DNAH6: variants seen among roughly 807,000 people sequenced by gnomAD.
The protein encoded by DNAH6 is dynein axonemal heavy chain 6.
In DNAH6, 340 loss-of-function variants were observed where a neutral mutation model predicts 491.4. The ratio of observed to expected loss-of-function variants is 0.69; its 90% CI spans 0.63 to 0.76. DNAH6 has a LOEUF of 0.76. Among genes scored for constraint, DNAH6 ranks in the 30% least tolerant of loss-of-function variants. The pLI is 0.00. For synonymous variants in DNAH6, 1,603 were observed against 1,686.1 expected, an observed-to-expected ratio of 0.95 and a Z score of 1.21; for missense variants, 4,443 against 4,972.2, an observed-to-expected ratio of 0.89 and a Z score of 3.20.
the DNAH6 span, among the ~76,000 whole-genome samples, chr2:84,481,803 A>G: frequency 6.6e-6 from 1 of 152,228 alleles, no homozygotes; most frequent in Non-Finnish European, 1.5e-5. Flanking sequence ...ATTAGGCCGT[A>G]GAAGCCTGCA....
chr2:84,511,277 C>T, the DNAH6 span, among the ~76,000 whole-genome samples: 2 of 152,150 alleles, frequency 1.3e-5, no homozygotes, highest in African/African-American at 2.4e-5. Context: ...CAATGGCGGG[C>T]GCCCCTCCCC....
At chr2:84,754,055 C>T (rs529792808) in intron 63 of DNAH6, among the ~76,000 whole-genome samples, 10 of 152,210 alleles carry the variant, frequency 6.6e-5, no homozygotes, top group Non-Finnish European at 1.5e-4. Flanking sequence ...ATCTCTTGAC[C>T]TCAGGATCCA....
intron 76 of DNAH6, among the ~76,000 whole-genome samples, chr2:84,818,915 A>T (rs1680763300): frequency 6.6e-6 from 1 of 152,192 alleles, no homozygotes; most frequent in African/African-American, 2.4e-5. Flanking sequence ...TCTACTAAAA[A>T]TACAAAAATT....
chr2:84,581,060 A>G (rs535743358), intron 14 of DNAH6, among the ~76,000 whole-genome samples: 1 of 152,358 alleles, frequency 6.6e-6, no homozygotes, highest in East Asian at 1.9e-4. Flanking sequence ...CTAGCCAGTC[A>G]GCAAGAAAGA....
At position 84,529,966 on chromosome 2, in the gene DNAH6, T is replaced by C. The variant is rs1167666463; in HGVS notation, c.662+800T>C. On this transcript the variant is annotated intron_variant, in intron 4 of 76. Transcript: ENST00000389394. ...GAAGAAAAGCTTTTTAATCAAAATT[T>C]AAAATGACAGATGTGTTGTAAATCT... 3.3e-5 allele frequency among the ~76,000 whole-genome samples: 5 copies of C among 152,300 alleles called. No homozygotes were observed. In the East Asian group the frequency reaches 9.7e-4, roughly 29 times the overall value.
rs1239610747 is a variant in DNAH6 at position 84,762,856 on chromosome 2, C to T, written c.10614C>T (p.Cys3538=). 6.4e-7 allele frequency: 1 copy of T among 1,551,102 alleles called. No individual in the cohort carries two copies. The highest frequency in any genetic ancestry group is 2.4e-5 in the East Asian group (1 of 40,924). The part of the protein sequence containing the change: ...DLPTLYQDMS[C]NTPLVFILST... The stretch of plus-strand genomic sequence containing the variant: ...CTACCCTGTATCAAGACATGTCATG[C>T]AACACTCCCCTGGTATTCATCCTAA... Residue 3538 remains cysteine (C), a synonymous_variant, in exon 64 of 77, where the codon TGC becomes TGT. Transcript: ENST00000389394.
At chr2:84,689,887 T>C (rs1294410001) in intron 45 of DNAH6, among the ~76,000 whole-genome samples, 1 of 152,222 alleles carries the variant, frequency 6.6e-6, no homozygotes, top group Non-Finnish European at 1.5e-5. Flanking sequence ...CAAAATGGGC[T>C]CACTTTTTTC....
rs146806296 is a variant in DNAH6, at chr2:84,816,001, A to G, written c.12291A>G (p.Gln4097=). ...PVLPVVHFEP[Q]QNYKPSPTLY... is the part of the protein sequence containing the mutation. ...TGCCTGTGGTGCATTTTGAACCACAACAAAACTATAAGCCAAGCCCAACAC... is the reference window on the plus strand; with the variant it reads ...TGCCTGTGGTGCATTTTGAACCACAGCAAAACTATAAGCCAAGCCCAACAC... The change falls in exon 76 of 77, where the codon CAA becomes CAG. Residue 4097 remains glutamine, a synonymous_variant. Transcript: ENST00000389394. 1,149 of 1,551,906 alleles carry G rather than the reference A, an allele frequency of 7.4e-4. 8 individuals are homozygous for G. The African/African-American group carries it at 0.014, about 18-fold the overall frequency.
chr2:84,801,979 C>G (rs937101791), intron 70 of DNAH6, among the ~76,000 whole-genome samples: 4 of 151,452 alleles, frequency 2.6e-5, no homozygotes, highest in African/African-American at 9.7e-5. Context: ...AAACAAAAAA[C>G]AAATAAAATC....
intron 23 of DNAH6, among the ~76,000 whole-genome samples, chr2:84,617,287 A>G (rs529010872): frequency 2.0e-5 from 3 of 152,264 alleles, no homozygotes; most frequent in African/African-American, 7.2e-5. Flanking sequence ...CGTGTAATGC[A>G]TAATAATCAC....
At chr2:84,642,354 G>T (rs916332584) in intron 33 of DNAH6, among the ~76,000 whole-genome samples, 10 of 152,068 alleles carry the variant, frequency 6.6e-5, no homozygotes, top group African/African-American at 1.7e-4. Flanking sequence ...AGTCAGACTT[G>T]GGGTTTAACA....
At chr2:84,781,148 G>A (rs1046111339) in intron 64 of DNAH6, among the ~76,000 whole-genome samples, 26 of 152,186 alleles carry the variant, frequency 1.7e-4, no homozygotes, top group African/African-American at 5.8e-4. Context: ...TTAGAAGTTA[G>A]GATAATGATT....
At chr2:84,682,368 C>CTACCTCAAAA (rs371421396) in intron 42 of DNAH6, among the ~76,000 whole-genome samples, 149 of 152,350 alleles carry the variant, frequency 9.8e-4, no homozygotes, top group African/African-American at 3.4e-3. Context: ...CTCTTCTTCC[C>CTACCTCAAAA]TACCTCAAAA....
At chr2:84,480,765 C>T in the DNAH6 span, among the ~76,000 whole-genome samples, 2 of 152,258 alleles carry the variant, frequency 1.3e-5, no homozygotes, top group South Asian at 4.1e-4. Context: ...GAGTTCAAGA[C>T]CAGCCTGACC....
intron 37 of DNAH6, among the ~76,000 whole-genome samples, chr2:84,662,437 G>A (rs1454283153): frequency 3.3e-5 from 5 of 151,856 alleles, no homozygotes; most frequent in African/African-American, 9.7e-5. Context: ...CTTAGAAAAC[G>A]GCACACCAGG....
intron 63 of DNAH6, among the ~76,000 whole-genome samples, chr2:84,759,862 T>C (rs1323976195): frequency 3.3e-5 from 5 of 152,128 alleles, no homozygotes; most frequent in Non-Finnish European, 5.9e-5. Context: ...TGACATCAAT[T>C]ATATTACAAG....
chr2:84,486,163 C>T, the DNAH6 span, among the ~76,000 whole-genome samples: 1 of 152,118 alleles, frequency 6.6e-6, no homozygotes, highest in Non-Finnish European at 1.5e-5. Context: ...GCTCAAACTC[C>T]CTTTCCTGCC....
chr2:84,597,151 C>T (rs1684671364), intron 18 of DNAH6, among the ~76,000 whole-genome samples: 1 of 152,138 alleles, frequency 6.6e-6, no homozygotes, highest in South Asian at 2.1e-4. Context: ...TTGCCTTTTA[C>T]AGAATATTAT....
intron 11 of DNAH6, among the ~76,000 whole-genome samples, chr2:84,564,745 G>A (rs1681007524): frequency 6.6e-6 from 1 of 152,146 alleles, no homozygotes; most frequent in Non-Finnish European, 1.5e-5. Flanking sequence ...AGTGGTAAGG[G>A]TGAGCATCCT....
Sources: allele counts gnomAD v4.1 joint callset (sites outside exome capture counted in the v4.1 genomes callset), GRCh38; gene constraint gnomAD v4.1.1; transcripts MANE v1.5; gene names NCBI Gene and HGNC (gene_info 2026-07-23, HGNC 2026-07-21).